SCN9A: variants seen among roughly 807,000 people sequenced by gnomAD.
SCN9A encodes sodium voltage-gated channel alpha subunit 9.
SCN9A carries 131 observed loss-of-function variants against 187.0 expected under a neutral mutation model. The ratio of observed to expected loss-of-function variants is 0.70; its 90% confidence interval spans 0.61 to 0.81. SCN9A has a LOEUF of 0.81. Among genes scored for constraint, SCN9A ranks in the 30% least tolerant of loss-of-function variants. The pLI is 0.00. For synonymous variants in SCN9A, 809 were observed against 808.6 expected, an observed-to-expected ratio of 1.00 and a Z score of -0.01; for missense variants, 2,252 against 2,396.6, an observed-to-expected ratio of 0.94 and a Z score of 1.26.
At chr2:166,277,403 G>T in intron 15 of SCN9A, 64 bp from the exon 16 acceptor site, 2 of 1,137,118 alleles carry the variant, frequency 1.8e-6, no homozygotes, top group East Asian at 2.4e-5. Context: ...TTCCAATCTT[G>T]ATTTTTGTTC....
At position 166,196,849 on chromosome 2, in the gene SCN9A, C is replaced by G. The variant is rs995940408; in HGVS notation, c.*1823G>C. ...AAGATGGTATAAAGAATCTTTAGCCCTAGATTGAGTTTTATACGTAGATTA... is the reference window on the plus strand; with the variant it reads ...AAGATGGTATAAAGAATCTTTAGCCGTAGATTGAGTTTTATACGTAGATTA... On this transcript the variant is annotated 3_prime_UTR_variant, in exon 27 of 27. Transcript: ENST00000642356. 6.6e-6 allele frequency: 1 copy of G among 151,918 alleles called. No individual in the cohort carries two copies. The highest frequency in any genetic ancestry group is 2.4e-5 in the African/African-American group (1 of 41,380). 9.4% of individuals were successfully genotyped at this position (151,918 alleles called of 1,614,324 possible). A position where few individuals can be genotyped will look rare whatever the true frequency, so the allele number is the denominator to read the frequency against.
Position 166,281,240 on chromosome 2 carries a change from T to C in SCN9A, c.2104+439A>G, listed in dbSNP as rs149278901. 3.5e-4 allele frequency among the ~76,000 whole-genome samples: 54 copies of C among 152,258 alleles called. No homozygotes were observed. In the East Asian group the frequency reaches 8.5e-3, roughly 24 times the overall value. ...GGAGAGGGTAGAAGCCAGCACAGTTTGTAAAGTTGTCACCCTTTGACTATC... is the reference window on the plus strand; with the variant it reads ...GGAGAGGGTAGAAGCCAGCACAGTTCGTAAAGTTGTCACCCTTTGACTATC... On this transcript the variant is annotated intron_variant, in intron 13 of 26. Transcript: ENST00000642356.
In SCN9A at chr2:166,342,135, TATAA is replaced by T. The variant is rs565224250; in HGVS notation, c.-50-30333_-50-30330del. Among the ~76,000 whole-genome samples, 55 of 152,334 alleles carry T rather than the reference TATAA, an allele frequency of 3.6e-4. No individual in the cohort carries two copies. In the South Asian group the frequency reaches 8.5e-3, roughly 23 times the overall value. ...TTATATTTGAGAAATTATGATGCCC[TATAA>T]ATAGAGAAAAGCGCACAAACACATC... On this transcript the variant is annotated intron_variant, in intron 1 of 26. Coordinates refer to ENST00000642356, the MANE Select transcript of SCN9A (RefSeq NM_001365536.1).
In SCN9A at chr2:166,247,913, CAG is replaced by C. The variant is rs1271762804; in HGVS notation, c.3472+3850_3472+3851del. Among the ~76,000 whole-genome samples the C allele has an allele frequency of 3.3e-5, 5 of 151,946 alleles. No homozygotes were observed. In the East Asian group the frequency reaches 9.7e-4, roughly 29 times the overall value. The stretch of plus-strand genomic sequence containing the variant: ...ATGTAGAACTAAGGATAGTAAAGAA[CAG>C]GGCAAGATATACGGAAGCAGTCTGA... On this transcript the variant is annotated intron_variant, in intron 18 of 26. Coordinates refer to ENST00000642356, the MANE Select transcript of SCN9A (RefSeq NM_001365536.1).
In SCN9A at chr2:166,290,356, T is replaced by C. The variant is rs191338886; in HGVS notation, c.1108-1713A>G. Among the ~76,000 whole-genome samples, 416 of 152,326 alleles carry C rather than the reference T, an allele frequency of 2.7e-3. 2 individuals are homozygous for C. The highest frequency in any genetic ancestry group is 4.5e-3 in the Non-Finnish European group (306 of 68,034). On this transcript the variant is annotated intron_variant, in intron 9 of 26. Transcript: ENST00000642356. ...AGTTGATTCCATCTCTTTGCTATTG[T>C]AAATAGTACTGCAATAAACATATGT...
intron 8 of SCN9A, among the ~76,000 whole-genome samples, chr2:166,294,013 T>C (rs1419812332): frequency 1.3e-5 from 2 of 152,180 alleles, no homozygotes; most frequent in Non-Finnish European, 2.9e-5. Flanking sequence ...GCCTGATGAA[T>C]AGATGTCTGC....
chr2:166,305,312 A>G (rs1698718581), intron 5 of SCN9A, among the ~76,000 whole-genome samples: 1 of 152,126 alleles, frequency 6.6e-6, no homozygotes, highest in Non-Finnish European at 1.5e-5. Flanking sequence ...TATAATGTGT[A>G]TACAATGCAT....
chr2:166,259,539 G>T (rs753217699), intron 17 of SCN9A, among the ~76,000 whole-genome samples: 9 of 151,600 alleles, frequency 5.9e-5, no homozygotes, highest in Non-Finnish European at 1.3e-4. Context: ...TTTAAAAATT[G>T]AATTTAAATA....
intron 14 of SCN9A, among the ~76,000 whole-genome samples, chr2:166,278,779 A>G (rs941767556): frequency 3.9e-5 from 6 of 152,192 alleles, no homozygotes; most frequent in African/African-American, 1.4e-4. Context: ...ATTTATCAGC[A>G]GAAGAGAAAA....
intron 24 of SCN9A, 33 bp downstream of exon 24, chr2:166,226,534 T>G (rs1475744400): frequency 7.0e-7 from 1 of 1,435,008 alleles, no homozygotes; most frequent in Admixed American, 2.0e-5. Flanking sequence ...GTTCATCCCT[T>G]TCATTACAAT....
intron 1 of SCN9A, among the ~76,000 whole-genome samples, chr2:166,339,890 A>G (rs1048050310): frequency 2.6e-5 from 4 of 152,190 alleles, no homozygotes; most frequent in African/African-American, 7.2e-5. Context: ...GAGAGGTAGC[A>G]TATTGTAGGA....
chr2:166,341,356 A>G (rs543307320), intron 1 of SCN9A, among the ~76,000 whole-genome samples: 75 of 152,344 alleles, frequency 4.9e-4, no homozygotes, highest in African/African-American at 1.7e-3. Context: ...TGAGATTTAC[A>G]AAGTTTGGTG....
At chr2:166,329,623 C>T (rs1299229867) in intron 1 of SCN9A, among the ~76,000 whole-genome samples, 1 of 151,878 alleles carries the variant, frequency 6.6e-6, no homozygotes, top group Non-Finnish European at 1.5e-5. Context: ...TTTAAGGTGC[C>T]AGGTGCCTGG....
At chr2:166,317,527 T>C (rs1392635670) in intron 1 of SCN9A, among the ~76,000 whole-genome samples, 2 of 152,208 alleles carry the variant, frequency 1.3e-5, no homozygotes, top group African/African-American at 4.8e-5. Flanking sequence ...ATCTAAGATT[T>C]CCTATAGTTA....
At chr2:166,355,919 C>T (rs1269659574) in intron 1 of SCN9A, among the ~76,000 whole-genome samples, 3 of 151,884 alleles carry the variant, frequency 2.0e-5, no homozygotes, top group Non-Finnish European at 2.9e-5. Flanking sequence ...ACTATAGGTG[C>T]CTGCCACCAC....
At chr2:166,304,653 G>A (rs572259896) in intron 5 of SCN9A, among the ~76,000 whole-genome samples, 204 of 152,136 alleles carry the variant, frequency 1.3e-3, no homozygotes, top group African/African-American at 4.4e-3. Flanking sequence ...AGTATGCTAA[G>A]TGTCAGACAC....
intron 23 of SCN9A, 140 bp downstream of exon 23, chr2:166,227,530 C>A: frequency 1.5e-6 from 1 of 649,582 alleles, no homozygotes; most frequent in Middle Eastern, 2.8e-4. Flanking sequence ...TACTCACAAC[C>A]ACTAGGCTAC....
intron 24 of SCN9A, among the ~76,000 whole-genome samples, chr2:166,223,722 A>G (rs1042347814): frequency 2.0e-5 from 3 of 152,120 alleles, no homozygotes; most frequent in Non-Finnish European, 4.4e-5. Flanking sequence ...GGTAGATCTC[A>G]TATTAAGTTT....
intron 19 of SCN9A, among the ~76,000 whole-genome samples, chr2:166,239,801 C>G (rs1014173109): frequency 1.9e-4 from 29 of 152,260 alleles, no homozygotes; most frequent in African/African-American, 7.0e-4. Flanking sequence ...CAGAGCAGAG[C>G]CGCAGGAAGT....
Sources: allele counts gnomAD v4.1 joint callset (sites outside exome capture counted in the v4.1 genomes callset), GRCh38; gene constraint gnomAD v4.1.1; transcripts MANE v1.5; gene names NCBI Gene and HGNC (gene_info 2026-07-23, HGNC 2026-07-21).